The following MSI2 variants were observed in gnomAD, a reference collection of about 807,000 sequenced individuals.
MSI2 encodes RNA-binding protein Musashi homolog 2.
MSI2 carries 17 observed loss-of-function variants against 45.6 expected under a neutral mutation model. The observed-to-expected ratio is 0.37, with a 90% CI of 0.26 to 0.56. The LOEUF (loss-of-function observed/expected upper bound fraction) is 0.56, where lower values mean the gene tolerates loss of function less well. Ranked by LOEUF, MSI2 falls within the 20% of genes least tolerant of loss-of-function variation. The probability of loss-of-function intolerance (pLI) is 0.77; values close to 1 mark genes in which losing one functional copy is unlikely to be tolerated. For synonymous variants in MSI2, 156 were observed against 158.2 expected (o/e 0.99, Z 0.11); for missense variants, 293 against 444.2 (o/e 0.66, Z 3.06).
At chr17:57,442,861 G>A (rs1174673911) in intron 6 of MSI2, among the ~76,000 whole-genome samples, 1 of 152,234 alleles carries the variant, frequency 6.6e-6, no homozygotes, top group East Asian at 1.9e-4. Context: ...CTTGAAACAG[G>A]AGAGCCTGAG....
chr17:57,533,587 C>T lies in MSI2; in HGVS notation c.454+3863C>T, dbSNP rs147246388. ...ATGAATTCCTTTGCTGTTTTTGTGACTAGGGGAGGGAATGGGCAGTTGTTG... is the reference window on the plus strand; with the variant it reads ...ATGAATTCCTTTGCTGTTTTTGTGATTAGGGGAGGGAATGGGCAGTTGTTG... On this transcript the variant is annotated intron_variant, in intron 7 of 13. Coordinates refer to ENST00000284073, the MANE Select transcript of MSI2 (RefSeq NM_138962.4). 3.3e-5 allele frequency among the ~76,000 whole-genome samples: 5 copies of T among 152,280 alleles called. No individual in the cohort carries two copies. The East Asian group carries it at 9.6e-4, about 29-fold the overall frequency.
At chr17:57,576,650 A>G (rs1435734072) in intron 7 of MSI2, among the ~76,000 whole-genome samples, 1 of 151,166 alleles carries the variant, frequency 6.6e-6, no homozygotes, top group Non-Finnish European at 1.5e-5. Context: ...GCTACTTGGG[A>G]GTCTGAGGCA....
the MSI2 span, among the ~76,000 whole-genome samples, chr17:57,697,645 G>A: frequency 1.1e-4 from 17 of 152,166 alleles, no homozygotes; most frequent in Non-Finnish European, 2.4e-4. Context: ...ACGGTCTCAC[G>A]TAGTTGGGGA....
At chr17:57,271,917 G>T (rs1908411808) in intron 5 of MSI2, among the ~76,000 whole-genome samples, 1 of 152,082 alleles carries the variant, frequency 6.6e-6, no homozygotes, top group African/African-American at 2.4e-5. Context: ...CAAAGCTTTT[G>T]ATAGTTTCCT....
chr17:57,256,995 G>T, intron 1 of MSI2, 103 bp from the exon 2 acceptor site: 5 of 1,530,388 alleles, frequency 3.3e-6, no homozygotes, highest in Non-Finnish European at 4.4e-6. Flanking sequence ...CCCGGCTCTC[G>T]CTCGCTCGCT....
intron 6 of MSI2, among the ~76,000 whole-genome samples, chr17:57,413,654 T>TTG (rs1456445190): frequency 2.0e-5 from 3 of 152,000 alleles, no homozygotes; most frequent in African/African-American, 7.3e-5. Context: ...AGATCCTCAT[T>TTG]TAAGTTTTTC....
intron 6 of MSI2, among the ~76,000 whole-genome samples, chr17:57,521,231 C>A (rs1443264112): frequency 6.6e-6 from 1 of 152,150 alleles, no homozygotes; most frequent in African/African-American, 2.4e-5. Flanking sequence ...AGGAAGGCAG[C>A]GGCTGGCAGG....
chr17:57,274,784 G>A (rs1687736116), intron 5 of MSI2, among the ~76,000 whole-genome samples: 1 of 152,290 alleles, frequency 6.6e-6, no homozygotes, highest in Middle Eastern at 3.4e-3. Context: ...TGGCAGCACG[G>A]GCTTTGGACT....
intron 5 of MSI2, among the ~76,000 whole-genome samples, chr17:57,345,895 G>A (rs79979740): frequency 0.032 from 4,836 of 150,156 alleles, 104 homozygotes; most frequent in South Asian, 0.044. Context: ...TCCTTTTTCT[G>A]TTCTAGGACA....
At chr17:57,517,864 T>G (rs2086503338) in intron 6 of MSI2, among the ~76,000 whole-genome samples, 1 of 151,742 alleles carries the variant, frequency 6.6e-6, no homozygotes, top group Non-Finnish European at 1.5e-5. Context: ...CCCATCAGAG[T>G]GGCAGAAAGA....
intron 7 of MSI2, among the ~76,000 whole-genome samples, chr17:57,553,936 T>C (rs1183929572): frequency 6.6e-6 from 1 of 152,190 alleles, no homozygotes; most frequent in Non-Finnish European, 1.5e-5. Flanking sequence ...TTCAGTCTGG[T>C]CCTTCATGTA....
chr17:57,379,475 TTTC>T (rs1311532607), intron 5 of MSI2, among the ~76,000 whole-genome samples: 2 of 151,846 alleles, frequency 1.3e-5, no homozygotes, highest in East Asian at 1.9e-4. Context: ...TTTCGTTTTC[TTTC>T]TTCTTTTTTT....
chr17:57,527,728 AT>A (rs1420373945), intron 6 of MSI2, among the ~76,000 whole-genome samples: 1 of 152,172 alleles, frequency 6.6e-6, no homozygotes, highest in African/African-American at 2.4e-5. Flanking sequence ...TTGAGAAGAG[AT>A]TTTTAAGCCA....
At chr17:57,495,107 A>G (rs12937710) in intron 6 of MSI2, among the ~76,000 whole-genome samples, 24,054 of 152,008 alleles carry the variant, frequency 0.16, 2,155 homozygotes, top group Middle Eastern at 0.22. Flanking sequence ...GCCCTACAAG[A>G]TGTCTGAACT....
intron 6 of MSI2, among the ~76,000 whole-genome samples, chr17:57,439,622 G>A (rs1412771518): frequency 6.7e-6 from 1 of 150,238 alleles, no homozygotes; most frequent in Non-Finnish European, 1.5e-5. Flanking sequence ...GCAGTGGCAC[G>A]ATCTTGGCTC....
At chr17:57,293,013 T>C (rs1045673574) in intron 5 of MSI2, among the ~76,000 whole-genome samples, 1 of 152,172 alleles carries the variant, frequency 6.6e-6, no homozygotes, top group African/African-American at 2.4e-5. Context: ...GCTGACCTTC[T>C]GAACCAATAA....
intron 11 of MSI2, among the ~76,000 whole-genome samples, chr17:57,654,027 T>G (rs1911394122): frequency 6.6e-6 from 1 of 151,870 alleles, no homozygotes; most frequent in Admixed American, 6.5e-5. Flanking sequence ...AGGTCAGCCA[T>G]GCTCATCGCT....
At chr17:57,257,965 C>T (rs748036132) in intron 3 of MSI2, among the ~76,000 whole-genome samples, 1 of 152,010 alleles carries the variant, frequency 6.6e-6, no homozygotes, top group African/African-American at 2.4e-5. Flanking sequence ...CGGAATAAAA[C>T]AAAGCGTTAA....
chr17:57,285,778 A>G (rs1279926858), intron 5 of MSI2: 89 of 1,263,328 alleles, frequency 7.0e-5, no homozygotes, highest in Non-Finnish European at 8.9e-5. Context: ...AGCAAGCATC[A>G]TTATATTTTT....
Sources: gnomAD v4.1 joint callset for allele counts (sites outside exome capture counted in the v4.1 genomes callset) on GRCh38, gnomAD v4.1.1 for gene constraint, MANE v1.5 for transcripts, NCBI Gene and HGNC (gene_info 2026-07-23, HGNC 2026-07-21) for gene names.